Variants in HHAT observed in about 807,000 individuals in gnomAD.
HHAT encodes the protein hedgehog acyltransferase, also known as protein-cysteine N-palmitoyltransferase HHAT.
A neutral mutation model predicts 70.8 loss-of-function variants in HHAT; 47 were observed. The ratio of observed to expected loss-of-function variants is 0.66; its 90% CI spans 0.53 to 0.85. The LOEUF (loss-of-function observed/expected upper bound fraction) is 0.85, where lower values mean the gene tolerates loss of function less well. Among genes scored for constraint, HHAT ranks in the 40% least tolerant of loss-of-function variants. HHAT has a pLI of 0.00. For missense variants in HHAT, 609 were observed against 604.8 expected, an observed-to-expected ratio of 1.01 and a Z score of -0.07; for synonymous variants, 228 against 247.6, an observed-to-expected ratio of 0.92 and a Z score of 0.74.
At chr1:210,371,550 G>A (rs555923868) in intron 3 of HHAT, among the ~76,000 whole-genome samples, 1 of 152,322 alleles carries the variant, frequency 6.6e-6, no homozygotes, top group Non-Finnish European at 1.5e-5. Context: ...TGCTAAGCAA[G>A]CCTCTCTGGG....
intron 9 of HHAT, among the ~76,000 whole-genome samples, chr1:210,574,305 G>A (rs1012362564): frequency 1.3e-5 from 2 of 152,202 alleles, no homozygotes; most frequent in African/African-American, 4.8e-5. Flanking sequence ...GGGATGGGAT[G>A]GCATGATTAC....
intron 9 of HHAT, among the ~76,000 whole-genome samples, chr1:210,573,063 C>G (rs1656734338): frequency 6.6e-6 from 1 of 152,166 alleles, no homozygotes; most frequent in Non-Finnish European, 1.5e-5. Context: ...AAGACAGATC[C>G]CCTCTGCTTT....
At chr1:210,348,146 G>A (rs1274717868) in intron 1 of HHAT, among the ~76,000 whole-genome samples, 1 of 152,228 alleles carries the variant, frequency 6.6e-6, no homozygotes, top group African/African-American at 2.4e-5. Flanking sequence ...TCAGGAGGCT[G>A]AGGTGGGAGG....
intron 6 of HHAT, among the ~76,000 whole-genome samples, chr1:210,414,509 G>A (rs2092659242): frequency 6.6e-6 from 1 of 152,036 alleles, no homozygotes. Context: ...GAAGGGGGAA[G>A]GAAAGGAGAA....
intron 4 of HHAT, among the ~76,000 whole-genome samples, chr1:210,400,043 T>A (rs1313832023): frequency 2.6e-5 from 4 of 152,214 alleles, no homozygotes; most frequent in African/African-American, 9.7e-5. Flanking sequence ...TTCCTAGAAA[T>A]GTGTACTAAT....
intron 11 of HHAT, among the ~76,000 whole-genome samples, chr1:210,673,407 A>G (rs1376894930): frequency 6.6e-6 from 1 of 152,006 alleles, no homozygotes; most frequent in Non-Finnish European, 1.5e-5. Context: ...TGTCTTGTCC[A>G]TGAATCACAC....
At chr1:210,564,594 A>G (rs1371194625) in intron 9 of HHAT, among the ~76,000 whole-genome samples, 10 of 152,242 alleles carry the variant, frequency 6.6e-5, no homozygotes, top group Admixed American at 6.5e-4. Flanking sequence ...GACATACACA[A>G]AAAGGTCATT....
intron 10 of HHAT, among the ~76,000 whole-genome samples, chr1:210,600,126 C>T (rs1227506501): frequency 6.6e-6 from 1 of 152,106 alleles, no homozygotes; most frequent in Non-Finnish European, 1.5e-5. Context: ...ATTTTGGGTA[C>T]CTTGTATATG....
intron 11 of HHAT, among the ~76,000 whole-genome samples, chr1:210,650,910 T>C (rs895348331): frequency 6.6e-6 from 1 of 152,240 alleles, no homozygotes; most frequent in Non-Finnish European, 1.5e-5. Flanking sequence ...TTTTAACATA[T>C]TCTCATATTA....
At chr1:210,566,952 A>G (rs902067566) in intron 9 of HHAT, among the ~76,000 whole-genome samples, 6 of 152,186 alleles carry the variant, frequency 3.9e-5, no homozygotes, top group Non-Finnish European at 7.3e-5. Context: ...GCACTGTAAC[A>G]CATGCCCATT....
Position 210,554,095 on chromosome 1 carries a change from A to AG in HHAT, c.1044-33799dup, listed in dbSNP as rs1392385298. Among the ~76,000 whole-genome samples the AG allele has an allele frequency of 2.0e-5, 3 of 151,784 alleles. No individual in the cohort carries two copies. In the South Asian group the frequency reaches 6.3e-4, roughly 32 times the overall value. ...GCTAGGTTATGAACACTGCATGTGG[A>AG]GGGGCAGGGAGGGGATGCATTTTAA... On this transcript the variant is annotated intron_variant, in intron 9 of 11. Coordinates refer to ENST00000261458, the MANE Select transcript of HHAT (RefSeq NM_018194.6).
At chr1:210,426,702 G>T (rs2093072607) in intron 7 of HHAT, among the ~76,000 whole-genome samples, 1 of 152,160 alleles carries the variant, frequency 6.6e-6, no homozygotes, top group South Asian at 2.1e-4. Context: ...CTACTTGATT[G>T]TGGTGGATAA....
intron 9 of HHAT, among the ~76,000 whole-genome samples, chr1:210,581,432 C>T (rs533753017): frequency 6.6e-6 from 1 of 152,326 alleles, no homozygotes; most frequent in Admixed American, 6.5e-5. Flanking sequence ...CAGGACAGCA[C>T]AGCCAGCTCT....
At chr1:210,407,960 G>C (rs993589245) in intron 6 of HHAT, among the ~76,000 whole-genome samples, 3 of 152,124 alleles carry the variant, frequency 2.0e-5, no homozygotes, top group African/African-American at 7.2e-5. Context: ...AATTTGGCAT[G>C]GAGGTTGAGA....
intron 9 of HHAT, among the ~76,000 whole-genome samples, chr1:210,581,854 G>A (rs181225420): frequency 5.0e-4 from 76 of 152,186 alleles, no homozygotes; most frequent in African/African-American, 1.8e-3. Flanking sequence ...GCTATTCGAG[G>A]CTATCAGCAG....
intron 11 of HHAT, 88 bp downstream of exon 11, chr1:210,623,758 G>A: frequency 2.2e-6 from 3 of 1,368,044 alleles, no homozygotes. Context: ...TGGGATTTGG[G>A]GGAAGTCATT....
At chr1:210,515,280 TGCGCCCCAACAA>T (rs1474019615) in intron 9 of HHAT, among the ~76,000 whole-genome samples, 7 of 151,542 alleles carry the variant, frequency 4.6e-5, no homozygotes, top group Non-Finnish European at 8.8e-5. Flanking sequence ...CACATGACAG[TGCGCCCCAACAA>T]GCAAACAACT....
intron 8 of HHAT, among the ~76,000 whole-genome samples, chr1:210,489,419 T>C (rs940537535): frequency 2.0e-5 from 3 of 152,200 alleles, no homozygotes; most frequent in Non-Finnish European, 2.9e-5. Context: ...CCTTACATAA[T>C]TTAATACATA....
intron 10 of HHAT, among the ~76,000 whole-genome samples, chr1:210,620,317 G>T (rs1294002413): frequency 6.6e-6 from 1 of 152,172 alleles, no homozygotes; most frequent in Non-Finnish European, 1.5e-5. Flanking sequence ...GAGCCAGGAG[G>T]TTCCCAAGGT....
Sources: gnomAD v4.1 joint callset for allele counts (sites outside exome capture counted in the v4.1 genomes callset) on GRCh38, gnomAD v4.1.1 for gene constraint, MANE v1.5 for transcripts, NCBI Gene and HGNC (gene_info 2026-07-23, HGNC 2026-07-21) for gene names.